The following UNC80 variants were observed in gnomAD, a reference collection of about 807,000 sequenced individuals.
The protein encoded by UNC80 is protein unc-80 homolog.
UNC80 carries 164 observed loss-of-function variants against 384.6 expected under a neutral mutation model. That is an observed-to-expected ratio of 0.43 (90% CI 0.38 to 0.49). The LOEUF is 0.49. Among genes scored for constraint, UNC80 ranks in the 20% least tolerant of loss-of-function variants. UNC80 has a pLI of 0.00. For synonymous variants in UNC80, 1,486 were observed against 1,527.8 expected, an observed-to-expected ratio of 0.97 and a Z score of 0.64; for missense variants, 3,330 against 4,143.0, an observed-to-expected ratio of 0.80 and a Z score of 5.39.
chr2:209,809,730 C>T (rs768776974), intron 7 of UNC80: 2 of 470,418 alleles, frequency 4.3e-6, no homozygotes, highest in Non-Finnish European at 7.5e-6. Context: ...ATCAGCCGCA[C>T]GGGACTTTGA....
intron 13 of UNC80, among the ~76,000 whole-genome samples, chr2:209,824,482 C>T (rs1324139288): frequency 2.0e-5 from 3 of 152,074 alleles, no homozygotes; most frequent in Non-Finnish European, 2.9e-5. Context: ...GCAAAGAGAC[C>T]TTTTTAGCAA....
chr2:209,840,551 T>A lies in UNC80; in HGVS notation c.3260T>A (p.Leu1087Gln), dbSNP rs772966070. ...TTTAACTATTAAATAGGGAACTGGCTGAAGAGATCATCCCTCTCAGGCCTG... is the reference window on the plus strand; with the variant it reads ...TTTAACTATTAAATAGGGAACTGGCAGAAGAGATCATCCCTCTCAGGCCTG... ...KKLKLPIGNW[L>Q]KRSSLSGLAD... Residue 1087 changes from leucine to glutamine, a missense_variant, in exon 20 of 65, where the codon CTG becomes CAG. Around this residue, in one of 8 missense-constraint regions of UNC80, gnomAD observed 801 missense variants for 950.8 expected, o/e 0.84. Coordinates refer to ENST00000673920, the MANE Select transcript of UNC80 (RefSeq NM_001371986.1). 1 of 1,551,712 alleles carries A rather than the reference T, an allele frequency of 6.4e-7. No homozygotes were observed. Among genetic ancestry groups the A allele is most frequent in the South Asian group, 1.2e-5 (1 of 84,052 alleles).
At chr2:209,975,658 G>C (rs544237871) in intron 56 of UNC80, among the ~76,000 whole-genome samples, 1 of 152,162 alleles carries the variant, frequency 6.6e-6, no homozygotes, top group East Asian at 1.9e-4. Flanking sequence ...TTTACTTTTA[G>C]TAACACAAAT....
chr2:209,918,141 A>T (rs115019454), intron 32 of UNC80, among the ~76,000 whole-genome samples, 183 bp downstream of exon 32: 3,443 of 152,338 alleles, frequency 0.023, 41 homozygotes, highest in Non-Finnish European at 0.036. Context: ...ATATAGAAGA[A>T]TATAGAGTAA....
chr2:209,794,622 C>T (rs1298753070), intron 7 of UNC80, among the ~76,000 whole-genome samples: 1 of 152,182 alleles, frequency 6.6e-6, no homozygotes, highest in Non-Finnish European at 1.5e-5. Flanking sequence ...AATTGTATCT[C>T]CCAGAATTCC....
chr2:209,884,425 G>A (rs1439078172), intron 25 of UNC80, among the ~76,000 whole-genome samples: 1 of 152,162 alleles, frequency 6.6e-6, no homozygotes, highest in African/African-American at 2.4e-5. Context: ...GCTAGAGGCT[G>A]TACCAACCAT....
intron 4 of UNC80, among the ~76,000 whole-genome samples, chr2:209,784,486 A>G (rs1441446953): frequency 2.0e-5 from 3 of 152,106 alleles, no homozygotes; most frequent in Non-Finnish European, 4.4e-5. Context: ...GACTCTGGGC[A>G]CACAGTCTCT....
chr2:209,794,029 T>C (rs990414347), intron 7 of UNC80, among the ~76,000 whole-genome samples, 170 bp downstream of exon 7: 1 of 152,240 alleles, frequency 6.6e-6, no homozygotes, highest in Non-Finnish European at 1.5e-5. Context: ...ATGCTATGAA[T>C]GGCTCTCCTT....
At chr2:209,965,511 G>C (rs573156750) in intron 51 of UNC80, among the ~76,000 whole-genome samples, 10 of 151,460 alleles carry the variant, frequency 6.6e-5, no homozygotes, top group South Asian at 2.1e-4. Flanking sequence ...TGTCACCCAG[G>C]CTAGAGTGCA....
intron 61 of UNC80, among the ~76,000 whole-genome samples, chr2:209,987,682 A>T (rs544018850): frequency 5.9e-4 from 89 of 152,128 alleles, no homozygotes; most frequent in East Asian, 1.2e-3. Context: ...ATTTTTTTTT[A>T]AAAAAAGATT....
intron 22 of UNC80, among the ~76,000 whole-genome samples, chr2:209,871,739 C>T (rs554149205): frequency 8.6e-5 from 13 of 151,294 alleles, no homozygotes; most frequent in African/African-American, 3.1e-4. Flanking sequence ...TTTAAAAAAT[C>T]TTTCAAAGAT....
At chr2:209,937,497 C>A in intron 41 of UNC80, 32 bp from the exon 42 acceptor site, 1 of 1,453,122 alleles carries the variant, frequency 6.9e-7, no homozygotes. Flanking sequence ...CTTTTGAACT[C>A]TTTTTTTTGT....
chr2:209,823,983 G>T (rs1179442531), intron 13 of UNC80, among the ~76,000 whole-genome samples: 2 of 152,038 alleles, frequency 1.3e-5, no homozygotes, highest in Non-Finnish European at 2.9e-5. Context: ...CAGATAAAAT[G>T]CAGTCAAAAC....
At chr2:209,816,135 C>T (rs896080536) in intron 9 of UNC80, among the ~76,000 whole-genome samples, 4 of 152,128 alleles carry the variant, frequency 2.6e-5, no homozygotes, top group African/African-American at 9.7e-5. Flanking sequence ...TTTCTTAAAA[C>T]ATTGATCATT....
chr2:209,935,965 C>T (rs1041449840), intron 40 of UNC80, among the ~76,000 whole-genome samples, 157 bp downstream of exon 40: 2 of 152,132 alleles, frequency 1.3e-5, no homozygotes, highest in Non-Finnish European at 2.9e-5. Context: ...TTTCCTTATG[C>T]TATTTCCTTC....
chr2:209,994,160 T>C lies in UNC80; in HGVS notation c.9604T>C (p.Cys3202Arg). 1 of 1,551,610 alleles carries C rather than the reference T, an allele frequency of 6.4e-7. No individual in the cohort carries two copies. Among genetic ancestry groups the C allele is most frequent in the East Asian group, 2.4e-5 (1 of 40,872 alleles). ...TCCTGCAACAGGCCAACTACAGGGC[T>C]GTAGCCCAGCCCCTTCTAGGAAACC... ...ALPATGQLQG[C>R]SPAPSRKPEA... Residue 3202 changes from cysteine (C) to arginine (R), a missense_variant, in exon 64 of 65, where the codon TGT becomes CGT. Cys to Arg is a radical substitution (Grantham distance 180). Around this residue, in one of 8 missense-constraint regions of UNC80, gnomAD observed 236 missense variants for 254.9 expected, o/e 0.93. Coordinates refer to ENST00000673920, the MANE Select transcript of UNC80 (RefSeq NM_001371986.1).
At chr2:209,809,005 C>A in intron 7 of UNC80, 1 of 344,146 alleles carries the variant, frequency 2.9e-6, no homozygotes, top group Non-Finnish European at 5.5e-6. Context: ...CAGGGCCTCC[C>A]TCCAACTGAG....
At chr2:209,825,518 T>C (rs1325756678) in intron 13 of UNC80, among the ~76,000 whole-genome samples, 3 of 152,154 alleles carry the variant, frequency 2.0e-5, no homozygotes, top group Non-Finnish European at 4.4e-5. Flanking sequence ...CAGTAATCCT[T>C]TCCTGGTGTA....
chr2:209,913,446 A>G (rs2089182254), intron 30 of UNC80, among the ~76,000 whole-genome samples: 1 of 152,182 alleles, frequency 6.6e-6, no homozygotes, highest in Non-Finnish European at 1.5e-5. Context: ...TACTATTAGG[A>G]AGGAAAACAG....
Sources: gnomAD v4.1 joint callset for allele counts (sites outside exome capture counted in the v4.1 genomes callset) on GRCh38, gnomAD v4.1.1 for gene constraint, gnomAD v4.1.1 regional missense constraint, MANE v1.5 for transcripts, NCBI Gene and HGNC (gene_info 2026-07-23, HGNC 2026-07-21) for gene names.